MTMR8: variants seen among roughly 807,000 people sequenced by gnomAD.
MTMR8 encodes myotubularin related protein 8.
A neutral mutation model predicts 39.3 loss-of-function variants in MTMR8; 65 were observed. The observed-to-expected ratio is 1.65, with a 90% confidence interval of 1.35 to 2.03. MTMR8 has a LOEUF of 2.03. MTMR8 is among the 30% of genes most tolerant of loss of function. The probability of loss-of-function intolerance (pLI) is 0.00; values close to 1 mark genes in which losing one functional copy is unlikely to be tolerated. For missense variants in MTMR8, 777 were observed against 538.9 expected (o/e 1.44, Z -4.37); for synonymous variants, 245 against 185.2 (o/e 1.32, Z -2.62).
chrX:64,298,349 G>A (rs1324794645), intron 12 of MTMR8, among the ~76,000 whole-genome samples: 1 of 94,442 alleles, frequency 1.1e-5, no homozygotes, highest in Non-Finnish European at 2.0e-5. Context: ...AAGCAATTGT[G>A]AATGGGAGTT....
intron 12 of MTMR8, among the ~76,000 whole-genome samples, chrX:64,285,547 T>C (rs186338231): frequency 9.0e-6 from 1 of 111,649 alleles, no homozygotes; most frequent in Admixed American, 9.5e-5. Context: ...ACCACACCTA[T>C]TCCAAAACTG....
intron 12 of MTMR8, among the ~76,000 whole-genome samples, chrX:64,291,276 C>A (rs764186591): frequency 1.8e-5 from 2 of 110,850 alleles, no homozygotes; most frequent in African/African-American, 6.6e-5. Flanking sequence ...GCATACCCCA[C>A]AAAACTGCCC....
At chrX:64,334,133 A>G (rs967911127) in intron 10 of MTMR8, among the ~76,000 whole-genome samples, 1 of 110,925 alleles carries the variant, frequency 9.0e-6, no homozygotes, top group African/African-American at 3.3e-5. Context: ...TATCCAACCC[A>G]GAACTAGTGA....
chrX:64,342,561 A>G (rs1049815946), intron 8 of MTMR8, among the ~76,000 whole-genome samples: 76 of 112,656 alleles, frequency 6.7e-4, no homozygotes, highest in African/African-American at 2.4e-3. Context: ...GAAAGGGACT[A>G]TAGATATATG....
chrX:64,367,418 A>G (rs1263345312), intron 1 of MTMR8, among the ~76,000 whole-genome samples: 1 of 111,955 alleles, frequency 8.9e-6, no homozygotes, highest in Non-Finnish European at 1.9e-5. Flanking sequence ...ACCATGATCA[A>G]TTTGGCTTCA....
chrX:64,333,734 C>T (rs1178393836), intron 10 of MTMR8, among the ~76,000 whole-genome samples: 1 of 111,770 alleles, frequency 8.9e-6, no homozygotes, highest in African/African-American at 3.3e-5. Flanking sequence ...CTCACTCATG[C>T]CTCCATTCAC....
intron 12 of MTMR8, among the ~76,000 whole-genome samples, chrX:64,316,344 C>T (rs1490069992): frequency 8.9e-6 from 1 of 112,261 alleles, no homozygotes; most frequent in Non-Finnish European, 1.9e-5. Flanking sequence ...ATTTCTCCTT[C>T]ATTCCTAAAG....
At chrX:64,297,344 T>C (rs1328636975) in intron 12 of MTMR8, among the ~76,000 whole-genome samples, 1 of 109,807 alleles carries the variant, frequency 9.1e-6, no homozygotes, top group Non-Finnish European at 1.9e-5. Flanking sequence ...ATGATGAGCA[T>C]TTTTTCATGT....
chrX:64,387,488 A>T (rs1027088860), intron 1 of MTMR8, among the ~76,000 whole-genome samples: 31 of 111,142 alleles, frequency 2.8e-4, no homozygotes, highest in East Asian at 1.4e-3. Flanking sequence ...TATGTCTCCC[A>T]AAGGCAGGAA....
intron 12 of MTMR8, among the ~76,000 whole-genome samples, chrX:64,324,738 CT>C (rs1252150540): frequency 9.7e-6 from 1 of 103,096 alleles, no homozygotes; most frequent in Admixed American, 1.1e-4. Context: ...GGCCCTACCC[CT>C]ATCTCCCTTC....
At chrX:64,290,836 C>T (rs1459886687) in intron 12 of MTMR8, among the ~76,000 whole-genome samples, 1 of 112,121 alleles carries the variant, frequency 8.9e-6, no homozygotes, top group African/African-American at 3.2e-5. Flanking sequence ...AGATGGACCA[C>T]AGTTTGTTTA....
intron 12 of MTMR8, among the ~76,000 whole-genome samples, chrX:64,302,023 G>A (rs1179373660): frequency 1.8e-5 from 2 of 112,666 alleles, no homozygotes; most frequent in African/African-American, 6.4e-5. Flanking sequence ...CTTTTTGTTT[G>A]TCTGTGCCCT....
intron 12 of MTMR8, among the ~76,000 whole-genome samples, chrX:64,323,397 A>C (rs774405894): frequency 4.6e-4 from 52 of 112,225 alleles, no homozygotes; most frequent in African/African-American, 1.6e-3. Flanking sequence ...TACACCTAAC[A>C]CCAGAGTACC....
At chrX:64,274,990 T>C (rs1602101346) in intron 12 of MTMR8, among the ~76,000 whole-genome samples, 1 of 111,554 alleles carries the variant, frequency 9.0e-6, no homozygotes, top group Non-Finnish European at 1.9e-5. Context: ...CTGCCCAGCA[T>C]GGTGACCATG....
chrX:64,269,521 G>C (rs980833173), intron 13 of MTMR8, among the ~76,000 whole-genome samples: 2 of 111,283 alleles, frequency 1.8e-5, no homozygotes. Flanking sequence ...GCATCTGCCT[G>C]ATGCCAAAGT....
intron 10 of MTMR8, among the ~76,000 whole-genome samples, chrX:64,335,340 C>T (rs761010582): frequency 3.6e-5 from 4 of 111,390 alleles, no homozygotes; most frequent in East Asian, 2.8e-4. Context: ...CCATATTGGC[C>T]AGGCTGGTCT....
rs985805251 is a variant in MTMR8, at chrX:64,344,953, T to G, written c.865+92A>C. The stretch of plus-strand genomic sequence containing the variant: ...TTATTGACTCTGCTCACCTGCTTGC[T>G]TTTATATTCCACCCCAAATCAGGCA... On this transcript the variant is annotated intron_variant, in intron 7 of 13. Transcript: ENST00000374852. 1.6e-5 allele frequency: 17 copies of G among 1,030,889 alleles called. No individual in the cohort carries two copies. In the African/African-American group the frequency reaches 2.6e-4, roughly 16 times the overall value. 85.0% of individuals were successfully genotyped at this position (1,030,889 alleles called of 1,213,427 possible).
intron 7 of MTMR8, among the ~76,000 whole-genome samples, chrX:64,344,502 T>C (rs141022730): frequency 1.3e-3 from 147 of 111,389 alleles, no homozygotes; most frequent in East Asian, 0.011. Context: ...AGAAATGCTC[T>C]ACACCCAAGA....
rs149703006 is a variant in MTMR8 at position 64,268,868 on chromosome X, C to T, written c.1784G>A (p.Arg595Gln). The T allele has an allele frequency of 1.6e-5, 19 of 1,209,663 alleles. No individual in the cohort carries two copies. Among genetic ancestry groups the T allele is most frequent in the South Asian group, 8.8e-5 (5 of 56,765 alleles). The stretch of plus-strand genomic sequence containing the variant: ...GCTTTTTACTTGATCCATCTGAGCT[C>T]GGAGGCCTCCTTCCCTGGATAGGGT... The part of the protein sequence containing the change: ...NGTLSREGGL[R>Q]AQMDQVKSQG... The change falls in exon 14 of 14, where the codon CGA becomes CAA. Residue 595 changes from arginine to glutamine, a missense_variant. By Grantham distance (43) the Arg-to-Gln change is conservative. Coordinates refer to ENST00000374852, the MANE Select transcript of MTMR8 (RefSeq NM_017677.4).
Sources: allele counts gnomAD v4.1 joint callset (sites outside exome capture counted in the v4.1 genomes callset), GRCh38; gene constraint gnomAD v4.1.1; transcripts MANE v1.5; gene names NCBI Gene and HGNC (gene_info 2026-07-23, HGNC 2026-07-21).